XRCC5: variants seen among roughly 807,000 people sequenced by gnomAD.
XRCC5 encodes DNA repair protein Ku80.
XRCC5 carries 12 observed loss-of-function variants against 95.7 expected under a neutral mutation model. The ratio of observed to expected loss-of-function variants is 0.13; its 90% CI spans 0.08 to 0.20. The LOEUF is 0.20. Ranked by LOEUF, XRCC5 falls within the 10% of genes least tolerant of loss-of-function variation. The pLI, the probability that XRCC5 is intolerant of heterozygous loss-of-function variation, is 1.00. For synonymous variants in XRCC5, 281 were observed against 290.3 expected (o/e 0.97, Z 0.33); for missense variants, 595 against 873.9 (o/e 0.68, Z 4.02).
chr2:216,148,986 T>A (rs1688693515), intron 14 of XRCC5, among the ~76,000 whole-genome samples: 1 of 152,212 alleles, frequency 6.6e-6, no homozygotes, highest in South Asian at 2.1e-4. Context: ...CAGGTTTAGG[T>A]CAACCAGTTA....
At chr2:216,168,147 TA>T (rs1689089582) in intron 16 of XRCC5, among the ~76,000 whole-genome samples, 1 of 152,188 alleles carries the variant, frequency 6.6e-6, no homozygotes, top group African/African-American at 2.4e-5. Context: ...ACATCGTAAT[TA>T]TGCACCATTG....
At chr2:216,165,730 T>C (rs1689043774) in intron 16 of XRCC5, among the ~76,000 whole-genome samples, 2 of 152,208 alleles carry the variant, frequency 1.3e-5, no homozygotes. Context: ...TAAAATTCAG[T>C]TGTCAAAAGG....
intron 3 of XRCC5, chr2:216,117,106 C>T (rs1457806015): frequency 6.2e-6 from 3 of 481,628 alleles, no homozygotes; most frequent in African/African-American, 1.9e-5. Context: ...GGGGGAAGAT[C>T]CTAGGGAGTA....
At chr2:216,142,705 A>G (rs1697192225) in intron 13 of XRCC5, among the ~76,000 whole-genome samples, 1 of 152,234 alleles carries the variant, frequency 6.6e-6, no homozygotes, top group Non-Finnish European at 1.5e-5. Context: ...CAGAGACCAC[A>G]GATTCTCCCT....
intron 8 of XRCC5, 58 bp from the exon 9 acceptor site, chr2:216,130,817 C>A: frequency 1.7e-6 from 2 of 1,182,264 alleles, no homozygotes; most frequent in Non-Finnish European, 2.5e-6. Context: ...GAACTAATTT[C>A]AGCTTGTAGA....
intron 17 of XRCC5, among the ~76,000 whole-genome samples, chr2:216,191,413 C>CTT (rs1243143534): frequency 6.9e-6 from 1 of 145,842 alleles, no homozygotes; most frequent in Non-Finnish European, 1.5e-5. Flanking sequence ...TTTTCTTTTC[C>CTT]TTTTTTTTTT....
chr2:216,131,383 A>G (rs796249996), intron 9 of XRCC5, among the ~76,000 whole-genome samples: 12 of 152,324 alleles, frequency 7.9e-5, no homozygotes, highest in African/African-American at 2.6e-4. Context: ...AACATTGCCC[A>G]ATACAGCACA....
At chr2:216,149,467 C>T (rs958598495) in intron 14 of XRCC5, among the ~76,000 whole-genome samples, 3 of 152,186 alleles carry the variant, frequency 2.0e-5, no homozygotes, top group African/African-American at 7.2e-5. Flanking sequence ...CACAAGAAGA[C>T]TGTCCCTAAA....
chr2:216,121,295 T>C (rs1299047430), intron 5 of XRCC5, among the ~76,000 whole-genome samples: 1 of 152,198 alleles, frequency 6.6e-6, no homozygotes, highest in African/African-American at 2.4e-5. Context: ...GCTAAGTATA[T>C]GAAGAAAAAT....
chr2:216,142,338 G>C (rs142934077), intron 13 of XRCC5, among the ~76,000 whole-genome samples: 118 of 152,000 alleles, frequency 7.8e-4, no homozygotes, highest in African/African-American at 2.3e-3. Context: ...GGGAGCATAG[G>C]GGTCAGATAA....
intron 4 of XRCC5, among the ~76,000 whole-genome samples, chr2:216,118,386 C>T (rs1328728113): frequency 6.6e-6 from 1 of 152,044 alleles, no homozygotes; most frequent in African/African-American, 2.4e-5. Flanking sequence ...CTATTTTGCC[C>T]AGGTTTTCTC....
intron 16 of XRCC5, 78 bp downstream of exon 16, chr2:216,162,126 C>A: frequency 1.5e-6 from 2 of 1,361,570 alleles, no homozygotes; most frequent in East Asian, 2.3e-5. Flanking sequence ...AGAACTGTAG[C>A]CTTTTGTTGT....
At chr2:216,127,384 A>C (rs2106007015) in intron 7 of XRCC5, 152 bp from the exon 8 acceptor site, 2 of 791,518 alleles carry the variant, frequency 2.5e-6, no homozygotes, top group South Asian at 6.2e-5. Flanking sequence ...AAATAAACTA[A>C]AATTTTCATA....
At chr2:216,150,896 A>G (rs1040578621) in intron 14 of XRCC5, among the ~76,000 whole-genome samples, 3 of 152,162 alleles carry the variant, frequency 2.0e-5, no homozygotes, top group Admixed American at 2.0e-4. Flanking sequence ...CTTAATTAAA[A>G]AAGAAAAATA....
intron 12 of XRCC5, among the ~76,000 whole-genome samples, chr2:216,140,661 G>C (rs1229693440): frequency 6.6e-6 from 1 of 152,150 alleles, no homozygotes; most frequent in African/African-American, 2.4e-5. Flanking sequence ...AGCTTATTCA[G>C]CCTCAGTAGA....
intron 5 of XRCC5, among the ~76,000 whole-genome samples, chr2:216,121,361 A>G (rs956804167): frequency 1.3e-5 from 2 of 152,218 alleles, no homozygotes; most frequent in African/African-American, 4.8e-5. Flanking sequence ...CCTTAAAAAC[A>G]AATTTATTTC....
chr2:216,176,127 C>CTT, intron 16 of XRCC5: 1 of 169,478 alleles, frequency 5.9e-6, no homozygotes, highest in Non-Finnish European at 1.2e-5. Context: ...CAATTTTTTT[C>CTT]TTTTTTTTGG....
At chr2:216,158,964 A>G (rs1158054378) in intron 14 of XRCC5, among the ~76,000 whole-genome samples, 1 of 152,216 alleles carries the variant, frequency 6.6e-6, no homozygotes, top group Non-Finnish European at 1.5e-5. Context: ...GCAAAAAAAC[A>G]ACACATTTAG....
chr2:216,153,603 T>C (rs1688788396), intron 14 of XRCC5, among the ~76,000 whole-genome samples: 1 of 152,218 alleles, frequency 6.6e-6, no homozygotes, highest in Admixed American at 6.5e-5. Flanking sequence ...CACGTTGCCA[T>C]CCTATGAAGT....
Sources: gnomAD v4.1 joint callset for allele counts (sites outside exome capture counted in the v4.1 genomes callset) on GRCh38, gnomAD v4.1.1 for gene constraint, MANE v1.5 for transcripts, NCBI Gene and HGNC (gene_info 2026-07-23, HGNC 2026-07-21) for gene names.